The following ZNF385D variants were observed in gnomAD, a reference collection of about 807,000 sequenced individuals.
ZNF385D encodes the protein zinc finger protein 659.
ZNF385D carries 15 observed loss-of-function variants against 35.8 expected under a neutral mutation model. The ratio of observed to expected loss-of-function variants is 0.42; its 90% CI spans 0.28 to 0.64. The LOEUF (loss-of-function observed/expected upper bound fraction) is 0.64. Ranked by LOEUF, ZNF385D falls within the 30% of genes least tolerant of loss-of-function variation. ZNF385D has a pLI of 0.23. For synonymous variants in ZNF385D, 212 were observed against 186.8 expected (o/e 1.13, Z -1.10); for missense variants, 474 against 494.6 (o/e 0.96, Z 0.39).
intron 1 of ZNF385D, among the ~76,000 whole-genome samples, chr3:21,745,272 C>CA (rs1011878165): frequency 2.0e-5 from 3 of 151,576 alleles, no homozygotes; most frequent in African/African-American, 7.3e-5. Flanking sequence ...TACATGTGGG[C>CA]AAAAAAAGAA....
chr3:22,155,131 C>A (rs2125727779), intron 3 of ZNF385D, among the ~76,000 whole-genome samples: 1 of 152,130 alleles, frequency 6.6e-6, no homozygotes, highest in African/African-American at 2.4e-5. Flanking sequence ...GATCATTACA[C>A]ATTGTATGAA....
intron 3 of ZNF385D, among the ~76,000 whole-genome samples, chr3:21,547,676 G>T (rs986402604): frequency 6.6e-5 from 10 of 151,690 alleles, no homozygotes; most frequent in Non-Finnish European, 1.2e-4. Flanking sequence ...GAGTGCAGTG[G>T]CATGATCTCA....
intron 3 of ZNF385D, among the ~76,000 whole-genome samples, chr3:21,779,654 C>T (rs1329747406): frequency 2.6e-5 from 4 of 152,014 alleles, no homozygotes; most frequent in East Asian, 3.9e-4. Flanking sequence ...ATTTACTGAG[C>T]GCCTTCTCAA....
intron 2 of ZNF385D, among the ~76,000 whole-genome samples, chr3:21,590,401 C>A (rs559782482): frequency 1.3e-5 from 2 of 151,844 alleles, no homozygotes; most frequent in Non-Finnish European, 1.5e-5. Flanking sequence ...AAGTTGGGTA[C>A]GAGGTACATG....
At chr3:21,798,572 G>A (rs905366692) in intron 3 of ZNF385D, among the ~76,000 whole-genome samples, 4 of 152,070 alleles carry the variant, frequency 2.6e-5, no homozygotes, top group African/African-American at 9.7e-5. Flanking sequence ...AGTCCCACCA[G>A]GATAATCTCC....
chr3:21,735,255 C>G (rs1431742576), intron 1 of ZNF385D, among the ~76,000 whole-genome samples: 4 of 152,046 alleles, frequency 2.6e-5, no homozygotes, highest in Admixed American at 2.6e-4. Flanking sequence ...ATACTCATCT[C>G]CTAGAAGTGT....
At chr3:21,478,112 C>A (rs1704365733) in intron 4 of ZNF385D, among the ~76,000 whole-genome samples, 1 of 152,012 alleles carries the variant, frequency 6.6e-6, no homozygotes, top group Non-Finnish European at 1.5e-5. Flanking sequence ...TCAATCAATG[C>A]AATATCCATG....
chr3:21,466,164 C>T (rs192056256), intron 4 of ZNF385D, among the ~76,000 whole-genome samples: 38 of 152,142 alleles, frequency 2.5e-4, no homozygotes, highest in Non-Finnish European at 5.1e-4. Flanking sequence ...TAGGCAAATG[C>T]ATGATCAATC....
chr3:21,561,139 C>G (rs2062930978), intron 3 of ZNF385D, among the ~76,000 whole-genome samples: 1 of 152,178 alleles, frequency 6.6e-6, no homozygotes, highest in Admixed American at 6.5e-5. Context: ...CAGCCCCTTT[C>G]CGGGGGAGTG....
chr3:21,448,283 G>T (rs769930136), intron 4 of ZNF385D, among the ~76,000 whole-genome samples: 25 of 152,100 alleles, frequency 1.6e-4, no homozygotes, highest in Non-Finnish European at 3.5e-4. Context: ...TACAAAAATT[G>T]AGAAAACATT....
chr3:22,152,461 T>C (rs144844255), intron 3 of ZNF385D, among the ~76,000 whole-genome samples: 3 of 152,292 alleles, frequency 2.0e-5, no homozygotes, highest in African/African-American at 7.2e-5. Context: ...ATGGATTCTA[T>C]GGGGTGAAAT....
rs1334378555 is a variant in ZNF385D at position 21,797,446 on chromosome 3, A to C, written c.326-132418T>G. Among the ~76,000 whole-genome samples, 3 of 152,212 alleles carry C rather than the reference A, an allele frequency of 2.0e-5. 1 individual carries two copies. Among genetic ancestry groups the C allele is most frequent in the African/African-American group, 4.8e-5 (2 of 41,452 alleles). On this transcript the variant is annotated intron_variant, in intron 3 of 5. Transcript: ENST00000494108. The stretch of plus-strand genomic sequence containing the variant: ...AGTTTGGTGGTTTCTTACAAAACTA[A>C]ACATATTCTTATTTTATGAGGCAGT...
At chr3:22,189,565 G>T (rs1407010884) in intron 2 of ZNF385D, among the ~76,000 whole-genome samples, 1 of 152,076 alleles carries the variant, frequency 6.6e-6, no homozygotes, top group Non-Finnish European at 1.5e-5. Flanking sequence ...AAAAAGGAAG[G>T]TTCAATATTA....
chr3:21,498,803 C>A (rs1006780656), intron 4 of ZNF385D, among the ~76,000 whole-genome samples: 3 of 151,736 alleles, frequency 2.0e-5, no homozygotes. Flanking sequence ...ATTAGCTGGG[C>A]GTGGTGGCGT....
At chr3:22,077,055 A>G (rs142282239) in intron 3 of ZNF385D, among the ~76,000 whole-genome samples, 2,060 of 152,046 alleles carry the variant, frequency 0.014, 35 homozygotes, top group African/African-American at 0.047. Flanking sequence ...CAGAAATAGC[A>G]CAAGACCTTA....
At chr3:21,883,859 C>A (rs989277626) in intron 3 of ZNF385D, among the ~76,000 whole-genome samples, 1 of 152,018 alleles carries the variant, frequency 6.6e-6, no homozygotes, top group Non-Finnish European at 1.5e-5. Flanking sequence ...CATATCAGAA[C>A]AATCGGTCTG....
chr3:22,097,197 G>A (rs1701679110), intron 3 of ZNF385D, among the ~76,000 whole-genome samples: 5 of 152,070 alleles, frequency 3.3e-5, no homozygotes, highest in Admixed American at 1.3e-4. Context: ...AGATTTATTG[G>A]CAAATATGAT....
intron 2 of ZNF385D, among the ~76,000 whole-genome samples, chr3:22,239,731 A>G (rs1050479909): frequency 6.6e-6 from 1 of 151,108 alleles, no homozygotes; most frequent in African/African-American, 2.4e-5. Context: ...AAATTCAAGT[A>G]TGAATTAATT....
At chr3:21,426,655 C>T (rs1003278065) in intron 5 of ZNF385D, among the ~76,000 whole-genome samples, 4 of 151,632 alleles carry the variant, frequency 2.6e-5, no homozygotes, top group Non-Finnish European at 5.9e-5. Context: ...TAGTAGTTTC[C>T]CCTGCCTATT....
Sources: allele counts gnomAD v4.1 joint callset (sites outside exome capture counted in the v4.1 genomes callset), GRCh38; gene constraint gnomAD v4.1.1; transcripts MANE v1.5; gene names NCBI Gene and HGNC (gene_info 2026-07-23, HGNC 2026-07-21).